ZFPM2: variants seen among roughly 807,000 people sequenced by gnomAD.
ZFPM2 encodes zinc finger protein ZFPM2.
ZFPM2 carries 20 observed loss-of-function variants against 98.6 expected under a neutral mutation model. That is an observed-to-expected ratio of 0.20 (90% CI 0.14 to 0.29). The LOEUF (loss-of-function observed/expected upper bound fraction) is 0.29, where lower values mean the gene tolerates loss of function less well. Ranked by LOEUF, ZFPM2 falls within the 10% of genes least tolerant of loss-of-function variation. ZFPM2 has a pLI of 1.00. For missense variants in ZFPM2, 1,310 were observed against 1,388.6 expected, an observed-to-expected ratio of 0.94 and a Z score of 0.90; for synonymous variants, 518 against 502.7, an observed-to-expected ratio of 1.03 and a Z score of -0.41.
chr8:105,553,656 T>C (rs1219739664), intron 3 of ZFPM2, among the ~76,000 whole-genome samples: 1 of 152,176 alleles, frequency 6.6e-6, no homozygotes, highest in Non-Finnish European at 1.5e-5. Context: ...CATGCTCTTT[T>C]AATACCATCT....
intron 4 of ZFPM2, among the ~76,000 whole-genome samples, chr8:105,596,276 CAA>C (rs1189380372): frequency 6.6e-6 from 1 of 151,758 alleles, no homozygotes; most frequent in Non-Finnish European, 1.5e-5. Context: ...AGGGAGAAAA[CAA>C]AAGAGTAAAC....
intron 2 of ZFPM2, among the ~76,000 whole-genome samples, chr8:105,443,328 A>AAAAAC (rs1812299850): frequency 6.8e-6 from 1 of 146,474 alleles, no homozygotes; most frequent in African/African-American, 2.6e-5. Context: ...ACAAAAAACA[A>AAAAAC]AAAAAAAAAA....
At chr8:105,420,797 G>GACCT (rs1316896775) in intron 2 of ZFPM2, among the ~76,000 whole-genome samples, 1 of 151,996 alleles carries the variant, frequency 6.6e-6, no homozygotes, top group East Asian at 1.9e-4. Context: ...CATTGTAGAA[G>GACCT]ACCTACCTTA....
At chr8:105,373,714 A>G (rs946774940) in intron 1 of ZFPM2, among the ~76,000 whole-genome samples, 1 of 152,236 alleles carries the variant, frequency 6.6e-6, no homozygotes, top group African/African-American at 2.4e-5. Flanking sequence ...ACAAAACTAA[A>G]TAAATGAGAT....
intron 3 of ZFPM2, among the ~76,000 whole-genome samples, chr8:105,517,421 T>C (rs190747613): frequency 6.6e-5 from 10 of 152,270 alleles, no homozygotes; most frequent in Admixed American, 5.2e-4. Flanking sequence ...AAATAAAAAT[T>C]ATATGTATTT....
intron 4 of ZFPM2, among the ~76,000 whole-genome samples, chr8:105,562,746 CTG>C (rs991930946): frequency 2.8e-4 from 42 of 152,152 alleles, no homozygotes; most frequent in African/African-American, 1.0e-3. Context: ...TATGATTACA[CTG>C]TGTCTGCCTG....
intron 5 of ZFPM2, among the ~76,000 whole-genome samples, chr8:105,683,359 T>C (rs1159067624): frequency 1.3e-5 from 2 of 152,162 alleles, no homozygotes; most frequent in Admixed American, 1.3e-4. Flanking sequence ...AAACAGGAAT[T>C]TGCTTTGCAT....
intron 3 of ZFPM2, among the ~76,000 whole-genome samples, chr8:105,476,487 A>G (rs1813014744): frequency 6.6e-6 from 1 of 152,084 alleles, no homozygotes; most frequent in African/African-American, 2.4e-5. Context: ...CCATGGAAAA[A>G]CATGCACGAA....
At chr8:105,661,797 T>C (rs1191130546) in intron 5 of ZFPM2, among the ~76,000 whole-genome samples, 2 of 152,152 alleles carry the variant, frequency 1.3e-5, no homozygotes, top group East Asian at 3.9e-4. Context: ...TTTCAAGCTT[T>C]GTCATCACGC....
chr8:105,518,015 G>A (rs372851898), intron 3 of ZFPM2, among the ~76,000 whole-genome samples: 2 of 152,134 alleles, frequency 1.3e-5, no homozygotes, highest in African/African-American at 4.8e-5. Context: ...CCATAGCATG[G>A]ATAATATTTT....
In ZFPM2 at chr8:105,802,762, G is replaced by A. The variant is rs1209092752; in HGVS notation, c.2680G>A (p.Val894Met). The change falls in exon 8 of 8, where the codon GTG becomes ATG. Residue 894 changes from valine to methionine, a missense_variant. By Grantham distance (21) the Val-to-Met change is conservative (BLOSUM62 1). Transcript: ENST00000407775. The part of the protein sequence containing the change: ...RNDLGQLDGK[V>M]FPNPESERNS... ...TGACCTGGGTCAACTGGACGGCAAA[G>A]TGTTTCCGAATCCAGAAAGCGAACG... 6.2e-7 allele frequency: 1 copy of A among 1,613,588 alleles called. No homozygotes were observed. Among genetic ancestry groups the A allele is most frequent in the Admixed American group, 1.7e-5 (1 of 59,958 alleles).
At chr8:105,787,122 T>C (rs1383532363) in intron 5 of ZFPM2, 1 of 152,204 alleles carries the variant, frequency 6.6e-6, no homozygotes, top group African/African-American at 2.4e-5. Flanking sequence ...AAGGAAGGCA[T>C]AGAAGCTAAT....
At position 105,662,753 on chromosome 8, in the gene ZFPM2, T is replaced by G. The variant is rs532778130; in HGVS notation, c.532+28396T>G. 1.3e-5 allele frequency: 2 copies of G among 151,916 alleles called. 1 individual carries two copies. Among genetic ancestry groups the G allele is most frequent in the South Asian group, 4.2e-4 (2 of 4,802 alleles). The allele number at this position is 151,916 out of a possible 1,614,324, so 9.4% of individuals were successfully genotyped here. On this transcript the variant is annotated intron_variant, in intron 5 of 7. Coordinates refer to ENST00000407775, the MANE Select transcript of ZFPM2 (RefSeq NM_012082.4). ...TAAAGGATTACTCAATATACTAATA[T>G]ATTTAAAGCATCCACTTACAAAGGA...
chr8:105,496,508 A>G (rs1326996091), intron 3 of ZFPM2, among the ~76,000 whole-genome samples: 2 of 152,134 alleles, frequency 1.3e-5, no homozygotes, highest in African/African-American at 2.4e-5. Context: ...AAACAAAAAT[A>G]ATATGCCTTT....
At chr8:105,344,674 C>T (rs1812484237) in intron 1 of ZFPM2, among the ~76,000 whole-genome samples, 1 of 151,904 alleles carries the variant, frequency 6.6e-6, no homozygotes, top group South Asian at 2.1e-4. Context: ...TCTATATATA[C>T]ACATATATAT....
intron 5 of ZFPM2, among the ~76,000 whole-genome samples, chr8:105,744,057 A>G (rs1254982609): frequency 6.6e-6 from 1 of 152,118 alleles, no homozygotes; most frequent in Non-Finnish European, 1.5e-5. Flanking sequence ...AAAAACATTA[A>G]AAACATCATA....
intron 5 of ZFPM2, among the ~76,000 whole-genome samples, chr8:105,769,136 G>A (rs10105063): frequency 0.27 from 41,194 of 151,646 alleles, 7,178 homozygotes; most frequent in African/African-American, 0.48. Context: ...TGTTTTGGGT[G>A]GATTTTCATA....
rs199758927 is a variant in ZFPM2, at chr8:105,626,231, G to A, written c.421-8015G>A. On this transcript the variant is annotated intron_variant, in intron 4 of 7. Coordinates refer to ENST00000407775, the MANE Select transcript of ZFPM2 (RefSeq NM_012082.4). ...TGCCAGGATTACTGAAAATTCAATC[G>A]TATAAGGTCTTGAATTATTCCTGGG... Among the ~76,000 whole-genome samples, 18 of 152,230 alleles carry A rather than the reference G, an allele frequency of 1.2e-4. No individual in the cohort carries two copies. The East Asian group carries it at 2.5e-3, about 21-fold the overall frequency.
In ZFPM2 at chr8:105,594,065, T is replaced by C. The variant is rs1235858330; in HGVS notation, c.420+32584T>C. 1.6e-4 allele frequency among the ~76,000 whole-genome samples: 25 copies of C among 152,140 alleles called. 1 individual carries two copies. The highest frequency in any genetic ancestry group is 2.0e-4 in the Admixed American group (3 of 15,252). ...TTCTCCAGGGGTTCCAGGGTTATTGTAGTAAAAACTTTAAATTTTGATTAC... is the reference window on the plus strand; with the variant it reads ...TTCTCCAGGGGTTCCAGGGTTATTGCAGTAAAAACTTTAAATTTTGATTAC... On this transcript the variant is annotated intron_variant, in intron 4 of 7. Coordinates refer to ENST00000407775, the MANE Select transcript of ZFPM2 (RefSeq NM_012082.4).
Sources: gnomAD v4.1 joint callset for allele counts (sites outside exome capture counted in the v4.1 genomes callset) on GRCh38, gnomAD v4.1.1 for gene constraint, MANE v1.5 for transcripts, NCBI Gene and HGNC (gene_info 2026-07-23, HGNC 2026-07-21) for gene names.